Variants in DLG2 observed in about 807,000 individuals in gnomAD.
DLG2 encodes the protein disks large homolog 2.
In DLG2, 45 loss-of-function variants were observed where a neutral mutation model predicts 132.5. The ratio of observed to expected loss-of-function variants is 0.34; its 90% CI spans 0.27 to 0.44. DLG2 has a LOEUF of 0.44. Among genes scored for constraint, DLG2 ranks in the 20% least tolerant of loss-of-function variants. The probability of loss-of-function intolerance (pLI) is 1.00; values close to 1 mark genes in which losing one functional copy is unlikely to be tolerated. For synonymous variants in DLG2, 424 were observed against 419.6 expected (o/e 1.01, Z -0.13); for missense variants, 1,045 against 1,196.9 (o/e 0.87, Z 1.87).
At chr11:84,556,161 T>C (rs946841580) in intron 6 of DLG2, among the ~76,000 whole-genome samples, 1 of 152,160 alleles carries the variant, frequency 6.6e-6, no homozygotes, top group African/African-American at 2.4e-5. Context: ...GGTGACTAAG[T>C]TCACTCCCAT....
At chr11:84,714,605 T>TCTCTCTCTCTC (rs2060921839) in intron 6 of DLG2, among the ~76,000 whole-genome samples, 1 of 99,438 alleles carries the variant, frequency 1.0e-5, no homozygotes, top group African/African-American at 4.4e-5. Flanking sequence ...TTCTTTCTCT[T>TCTCTCTCTCTC]TCTCTTTCTC....
intron 7 of DLG2, among the ~76,000 whole-genome samples, chr11:84,339,591 T>C (rs1032712572): frequency 6.6e-6 from 1 of 152,164 alleles, no homozygotes; most frequent in African/African-American, 2.4e-5. Context: ...CACCTCCCTT[T>C]GATGCAATGA....
At chr11:84,733,091 C>T (rs1390244610) in intron 6 of DLG2, among the ~76,000 whole-genome samples, 2 of 152,120 alleles carry the variant, frequency 1.3e-5, no homozygotes, top group Non-Finnish European at 2.9e-5. Context: ...AATAGTGCCA[C>T]AATAAACATA....
At chr11:83,600,640 T>C (rs1316791663) in intron 19 of DLG2, among the ~76,000 whole-genome samples, 1 of 152,226 alleles carries the variant, frequency 6.6e-6, no homozygotes, top group Non-Finnish European at 1.5e-5. Flanking sequence ...ATGTGCAGAC[T>C]GGGGCCTCTG....
intron 11 of DLG2, among the ~76,000 whole-genome samples, chr11:84,006,948 T>G (rs2094600926): frequency 6.6e-6 from 1 of 151,710 alleles, no homozygotes; most frequent in South Asian, 2.1e-4. Flanking sequence ...GTCTGCAATC[T>G]GCTAAGAAAC....
intron 3 of DLG2, among the ~76,000 whole-genome samples, chr11:85,500,443 A>C (rs1354611575): frequency 6.8e-6 from 1 of 146,750 alleles, no homozygotes; most frequent in African/African-American, 2.7e-5. Flanking sequence ...CTAATGCTAG[A>C]TGACACATTA....
chr11:84,929,842 C>A (rs2154090585), intron 6 of DLG2, among the ~76,000 whole-genome samples: 1 of 152,144 alleles, frequency 6.6e-6, no homozygotes, highest in South Asian at 2.1e-4. Context: ...TTAATGAGAA[C>A]CACTTGAACG....
chr11:85,028,283 C>T (rs1475845463), intron 6 of DLG2, among the ~76,000 whole-genome samples: 7 of 152,052 alleles, frequency 4.6e-5, no homozygotes, highest in Admixed American at 6.6e-5. Context: ...GAAGTGTGTG[C>T]GGATTGGTCC....
At chr11:84,294,033 G>A (rs1361467133) in intron 7 of DLG2, among the ~76,000 whole-genome samples, 1 of 152,066 alleles carries the variant, frequency 6.6e-6, no homozygotes, top group African/African-American at 2.4e-5. Flanking sequence ...TAACAGACTA[G>A]GGTATAAAGG....
intron 15 of DLG2, among the ~76,000 whole-genome samples, chr11:83,904,904 G>GTCTC (rs2074343665): frequency 6.6e-6 from 1 of 152,074 alleles, no homozygotes; most frequent in African/African-American, 2.4e-5. Flanking sequence ...AAGTAATAAA[G>GTCTC]TCTCTGATTC....
At chr11:83,843,858 T>G (rs1231096852) in intron 16 of DLG2, among the ~76,000 whole-genome samples, 1 of 152,152 alleles carries the variant, frequency 6.6e-6, no homozygotes. Context: ...ATTTGGCATA[T>G]TAGATATTCT....
At chr11:84,714,189 CAT>C (rs56040781) in intron 6 of DLG2, among the ~76,000 whole-genome samples, 49,502 of 149,772 alleles carry the variant, frequency 0.33, 10,060 homozygotes, top group African/African-American at 0.59. Context: ...AAAAAAAAAA[CAT>C]ATACCAAAAT....
At chr11:84,767,399 T>C (rs1431644738) in intron 6 of DLG2, among the ~76,000 whole-genome samples, 3 of 152,128 alleles carry the variant, frequency 2.0e-5, no homozygotes, top group Admixed American at 1.3e-4. Flanking sequence ...TTGAAGCATA[T>C]TACCTAACAT....
chr11:83,594,285 G>A (rs1002587330), intron 19 of DLG2, among the ~76,000 whole-genome samples: 9 of 152,244 alleles, frequency 5.9e-5, no homozygotes, highest in African/African-American at 2.2e-4. Flanking sequence ...CTGAGTGACT[G>A]TGTGGAGCAG....
intron 4 of DLG2, among the ~76,000 whole-genome samples, 191 bp downstream of exon 4, chr11:85,285,029 T>A (rs2078468592): frequency 2.0e-5 from 3 of 152,036 alleles, no homozygotes; most frequent in South Asian, 4.1e-4. Flanking sequence ...AAGAATCATA[T>A]CATTCCCACC....
intron 7 of DLG2, among the ~76,000 whole-genome samples, chr11:84,525,148 T>C (rs1181506614): frequency 6.6e-6 from 1 of 152,134 alleles, no homozygotes; most frequent in Non-Finnish European, 1.5e-5. Flanking sequence ...TTCTCCCCTC[T>C]CCTGAGCAAT....
At chr11:84,210,542 A>AAG (rs1414473818) in intron 8 of DLG2, among the ~76,000 whole-genome samples, 1 of 76,764 alleles carries the variant, frequency 1.3e-5, no homozygotes, top group African/African-American at 3.1e-5. Context: ...AAAAAAAAAA[A>AAG]AAAAGAATCT....
intron 6 of DLG2, among the ~76,000 whole-genome samples, chr11:84,791,773 T>A (rs1425445350): frequency 6.6e-6 from 1 of 152,222 alleles, no homozygotes; most frequent in African/African-American, 2.4e-5. Flanking sequence ...CCGATTTTTG[T>A]ATGTTGATTT....
intron 18 of DLG2, among the ~76,000 whole-genome samples, chr11:83,708,406 C>T (rs1470248793): frequency 6.6e-6 from 1 of 152,094 alleles, no homozygotes; most frequent in Non-Finnish European, 1.5e-5. Context: ...CTATTTAATA[C>T]CTGACAGGGA....
Sources: allele counts gnomAD v4.1 joint callset (sites outside exome capture counted in the v4.1 genomes callset), GRCh38; gene constraint gnomAD v4.1.1; transcripts MANE v1.5; gene names NCBI Gene and HGNC (gene_info 2026-07-23, HGNC 2026-07-21).